The following LYPLAL1 variants were observed in gnomAD, a reference collection of about 807,000 sequenced individuals.
LYPLAL1 encodes lysophospholipase-like protein 1.
LYPLAL1 carries 23 observed loss-of-function variants against 19.7 expected under a neutral mutation model. That is an observed-to-expected ratio of 1.17 (90% CI 0.84 to 1.65). LYPLAL1 has a LOEUF of 1.65. Among genes scored for constraint, LYPLAL1 ranks in the 40% most tolerant of loss-of-function variants. The pLI, the probability that LYPLAL1 is intolerant of heterozygous loss-of-function variation, is 0.00. For missense variants in LYPLAL1, 355 were observed against 279.4 expected (o/e 1.27, Z -1.93); for synonymous variants, 119 against 96.3 (o/e 1.24, Z -1.38).
the LYPLAL1 span, among the ~76,000 whole-genome samples, chr1:219,324,955 G>A: frequency 6.6e-6 from 1 of 152,078 alleles, no homozygotes; most frequent in African/African-American, 2.4e-5. Context: ...TGTTCATTGG[G>A]TTTGATGGTG....
intron 2 of LYPLAL1, among the ~76,000 whole-genome samples, chr1:219,183,960 A>T (rs1656507605): frequency 6.6e-6 from 1 of 151,926 alleles, no homozygotes; most frequent in African/African-American, 2.4e-5. Context: ...GTCTAATCTT[A>T]TAGTAGTACA....
chr1:219,390,488 A>G, the LYPLAL1 span, among the ~76,000 whole-genome samples: 2 of 152,192 alleles, frequency 1.3e-5, no homozygotes, highest in Non-Finnish European at 2.9e-5. Flanking sequence ...GGGCAGTTCC[A>G]TAAGATTAGC....
the LYPLAL1 span, among the ~76,000 whole-genome samples, chr1:219,292,108 G>T: frequency 6.6e-6 from 1 of 152,106 alleles, no homozygotes; most frequent in South Asian, 2.1e-4. Flanking sequence ...TGCTCCTCTT[G>T]TACTGCAGCA....
chr1:219,413,544 G>A, the LYPLAL1 span, among the ~76,000 whole-genome samples: 1 of 152,042 alleles, frequency 6.6e-6, no homozygotes, highest in Admixed American at 6.6e-5. Context: ...TTACCTCTGA[G>A]GCCTGAGAGA....
chr1:219,220,424 G>A, the LYPLAL1 span, among the ~76,000 whole-genome samples: 1 of 150,632 alleles, frequency 6.6e-6, no homozygotes, highest in Non-Finnish European at 1.5e-5. Flanking sequence ...TCTACCATTA[G>A]GGAAAAGAAG....
chr1:219,329,890 TCTC>T, the LYPLAL1 span, among the ~76,000 whole-genome samples: 2 of 152,156 alleles, frequency 1.3e-5, no homozygotes, highest in Non-Finnish European at 2.9e-5. Flanking sequence ...ATTTTGGTAA[TCTC>T]CTCCTCGCCC....
chr1:219,277,637 A>T, the LYPLAL1 span, among the ~76,000 whole-genome samples: 1 of 152,250 alleles, frequency 6.6e-6, no homozygotes, highest in Non-Finnish European at 1.5e-5. Flanking sequence ...CTCACACACT[A>T]TCTTCTTTGT....
At chr1:219,350,990 C>G in the LYPLAL1 span, among the ~76,000 whole-genome samples, 1 of 152,040 alleles carries the variant, frequency 6.6e-6, no homozygotes, top group Non-Finnish European at 1.5e-5. Flanking sequence ...TCATCTTGCT[C>G]TGAAATATTA....
chr1:219,179,093 A>T, intron 1 of LYPLAL1, 54 bp from the exon 2 acceptor site: 1 of 1,256,878 alleles, frequency 8.0e-7, no homozygotes, highest in Non-Finnish European at 1.1e-6. Flanking sequence ...ACTGCTTTGA[A>T]ATGCATTGTA....
the LYPLAL1 span, among the ~76,000 whole-genome samples, chr1:219,380,330 A>C: frequency 3.9e-5 from 6 of 152,190 alleles, no homozygotes; most frequent in Admixed American, 2.0e-4. Flanking sequence ...GAGGGAAGGA[A>C]GGATGAATAG....
At chr1:219,298,258 C>T in the LYPLAL1 span, among the ~76,000 whole-genome samples, 1 of 152,050 alleles carries the variant, frequency 6.6e-6, no homozygotes, top group Non-Finnish European at 1.5e-5. Flanking sequence ...TGCAGTGAGC[C>T]GAGATACAGC....
the LYPLAL1 span, among the ~76,000 whole-genome samples, chr1:219,422,429 G>A: frequency 6.6e-6 from 1 of 152,140 alleles, no homozygotes; most frequent in South Asian, 2.1e-4. Context: ...GGGTGGCAGA[G>A]GAGGGTATTA....
the LYPLAL1 span, among the ~76,000 whole-genome samples, chr1:219,373,155 G>A: frequency 6.6e-6 from 1 of 152,158 alleles, no homozygotes; most frequent in Non-Finnish European, 1.5e-5. Context: ...ACATTGGTGT[G>A]CGTACATGTA....
the LYPLAL1 span, among the ~76,000 whole-genome samples, chr1:219,290,208 G>T: frequency 6.6e-6 from 1 of 152,186 alleles, no homozygotes; most frequent in African/African-American, 2.4e-5. Flanking sequence ...TGGCTCTATT[G>T]TGCTGTGTCA....
the LYPLAL1 span, among the ~76,000 whole-genome samples, chr1:219,436,046 A>G: frequency 3.9e-5 from 6 of 152,296 alleles, no homozygotes; most frequent in African/African-American, 1.2e-4. Context: ...GAAGCTTCAC[A>G]CATAGACACA....
the LYPLAL1 span, among the ~76,000 whole-genome samples, chr1:219,218,967 G>T: frequency 2.0e-5 from 3 of 152,072 alleles, no homozygotes; most frequent in East Asian, 1.9e-4. Context: ...TCCTCCTTAA[G>T]TTTCTGTACT....
chr1:219,426,212 C>T, the LYPLAL1 span, among the ~76,000 whole-genome samples: 4 of 152,172 alleles, frequency 2.6e-5, no homozygotes, highest in Non-Finnish European at 5.9e-5. Context: ...TCATATACAT[C>T]TAAGCTTCTG....
chr1:219,215,787 C>T (rs1234684623), downstream of LYPLAL1, among the ~76,000 whole-genome samples: 1 of 152,136 alleles, frequency 6.6e-6, no homozygotes, highest in Admixed American at 6.6e-5. Context: ...TTTCCCATTT[C>T]TGAGGGTTCA....
the LYPLAL1 span, among the ~76,000 whole-genome samples, chr1:219,296,238 C>A: frequency 1.3e-5 from 2 of 152,130 alleles, no homozygotes; most frequent in African/African-American, 4.8e-5. Flanking sequence ...TCTAGATCCA[C>A]CGAGCTTCTG....
Sources: gnomAD v4.1 joint callset for allele counts (sites outside exome capture counted in the v4.1 genomes callset) on GRCh38, gnomAD v4.1.1 for gene constraint, MANE v1.5 for transcripts, NCBI Gene and HGNC (gene_info 2026-07-23, HGNC 2026-07-21) for gene names.